The following VIT variants were observed in gnomAD, a reference collection of about 807,000 sequenced individuals.
VIT encodes the protein vitrin.
VIT carries 99 observed loss-of-function variants against 78.0 expected under a neutral mutation model. The observed-to-expected ratio is 1.27, with a 90% CI of 1.08 to 1.50. VIT has a LOEUF of 1.50. Ranked by LOEUF, VIT falls within the 40% of genes most tolerant of loss-of-function variation. The pLI is 0.00. For missense variants in VIT, 1,126 were observed against 875.3 expected (o/e 1.29, Z -3.61); for synonymous variants, 374 against 334.3 (o/e 1.12, Z -1.29).
intron 4 of VIT, among the ~76,000 whole-genome samples, 156 bp downstream of exon 4, chr2:36,743,412 A>T (rs1667956418): frequency 6.6e-6 from 1 of 152,178 alleles, no homozygotes; most frequent in African/African-American, 2.4e-5. Context: ...CTTTTACTGG[A>T]TATAGAAATC....
chr2:36,705,235 G>C (rs1465754172), intron 1 of VIT, among the ~76,000 whole-genome samples: 4 of 152,138 alleles, frequency 2.6e-5, no homozygotes, highest in African/African-American at 7.2e-5. Flanking sequence ...CTTTCCTTTA[G>C]ATTTACTGAT....
chr2:36,722,645 A>G (rs1184207592), intron 2 of VIT, among the ~76,000 whole-genome samples: 2 of 152,250 alleles, frequency 1.3e-5, no homozygotes, highest in Non-Finnish European at 2.9e-5. Context: ...AGGTTCTCCA[A>G]AAAGATCTAA....
rs149477299 is a variant in VIT, at chr2:36,714,602, T to A, written c.-18-1751T>A. Among the ~76,000 whole-genome samples the A allele has an allele frequency of 2.3e-3, 354 of 152,274 alleles. 1 individual carries two copies. Among genetic ancestry groups the A allele is most frequent in the South Asian group, 3.5e-3 (17 of 4,822 alleles). ...GAGGAGTGTTTTACTACCATTGACA[T>A]TGTTTAAAATTGCTAGCTCATAAGG... On this transcript the variant is annotated intron_variant, in intron 1 of 15. Coordinates refer to ENST00000379242, the MANE Select transcript of VIT (RefSeq NM_053276.4).
intron 4 of VIT, among the ~76,000 whole-genome samples, chr2:36,747,309 A>T (rs1668195321): frequency 1.3e-5 from 2 of 152,196 alleles, no homozygotes; most frequent in Admixed American, 6.5e-5. Context: ...GATGTCTATT[A>T]GAGCCAACTG....
At chr2:36,735,402 T>C (rs1280403424) in intron 3 of VIT, among the ~76,000 whole-genome samples, 1 of 152,208 alleles carries the variant, frequency 6.6e-6, no homozygotes, top group African/African-American at 2.4e-5. Flanking sequence ...TAAGTCTGAC[T>C]CCAAACTGCC....
In VIT at chr2:36,814,328, T is replaced by C. The variant is rs1458193883; in HGVS notation, c.2049T>C (p.Ile683=). The C allele has an allele frequency of 6.2e-7, 1 of 1,614,160 alleles. No homozygotes were observed. Among genetic ancestry groups the C allele is most frequent in the Non-Finnish European group, 8.5e-7 (1 of 1,180,028 alleles). Residue 683 remains isoleucine (I), a synonymous_variant, in exon 16 of 16, where the codon ATT becomes ATC. Coordinates refer to ENST00000379242, the MANE Select transcript of VIT (RefSeq NM_053276.4). ...HQYVPRIIQN[I]CTEFNSQPRN The stretch of plus-strand genomic sequence containing the variant: ...ATGTCCCCAGGATCATCCAGAACAT[T>C]TGTACAGAGTTCAACTCACAGCCTC...
intron 4 of VIT, among the ~76,000 whole-genome samples, chr2:36,753,961 C>G (rs970040382): frequency 5.3e-5 from 8 of 152,184 alleles, no homozygotes; most frequent in African/African-American, 1.9e-4. Context: ...CAACCTCACA[C>G]AGCCTGTTTC....
At chr2:36,771,457 C>T (rs1669750397) in intron 7 of VIT, among the ~76,000 whole-genome samples, 1 of 147,146 alleles carries the variant, frequency 6.8e-6, no homozygotes, top group Admixed American at 6.9e-5. Context: ...ACCCGGGCAG[C>T]AGGAGTTGCA....
At chr2:36,776,788 C>T (rs1306440451) in intron 9 of VIT, among the ~76,000 whole-genome samples, 1 of 150,002 alleles carries the variant, frequency 6.7e-6, no homozygotes, top group East Asian at 2.0e-4. Flanking sequence ...GAGTGAGACT[C>T]CATCTCAAAA....
intron 13 of VIT, among the ~76,000 whole-genome samples, chr2:36,804,603 A>G (rs4670619): frequency 0.76 from 115,861 of 152,128 alleles, 44,362 homozygotes; most frequent in East Asian, 0.99. Flanking sequence ...AGGCCGAGGC[A>G]GGCAGATCAC....
At chr2:36,725,143 T>G (rs1666752004) in intron 2 of VIT, among the ~76,000 whole-genome samples, 1 of 152,162 alleles carries the variant, frequency 6.6e-6, no homozygotes, top group African/African-American at 2.4e-5. Context: ...CTCAGTTCTC[T>G]TTCATGTTTC....
At chr2:36,710,886 C>T (rs944004147) in intron 1 of VIT, among the ~76,000 whole-genome samples, 2 of 152,078 alleles carry the variant, frequency 1.3e-5, no homozygotes, top group Non-Finnish European at 2.9e-5. Context: ...AGTCATTGTA[C>T]GGACATATAC....
At chr2:36,797,623 G>A (rs967209669) in intron 12 of VIT, among the ~76,000 whole-genome samples, 2 of 152,152 alleles carry the variant, frequency 1.3e-5, no homozygotes, top group East Asian at 1.9e-4. Flanking sequence ...GAAGCTGTAT[G>A]GAAGCCATTT....
intron 12 of VIT, among the ~76,000 whole-genome samples, chr2:36,794,168 A>G (rs540998515): frequency 6.6e-6 from 1 of 152,268 alleles, no homozygotes; most frequent in Non-Finnish European, 1.5e-5. Context: ...CTGTTACACA[A>G]ATTCCTTCTT....
intron 2 of VIT, among the ~76,000 whole-genome samples, chr2:36,726,054 G>C (rs1292906599): frequency 6.8e-6 from 1 of 147,904 alleles, no homozygotes; most frequent in African/African-American, 2.5e-5. Flanking sequence ...GGGTGACAGA[G>C]CGAGACTCTG....
chr2:36,788,770 T>C (rs181899242), intron 12 of VIT, among the ~76,000 whole-genome samples: 12 of 152,214 alleles, frequency 7.9e-5, no homozygotes, highest in Non-Finnish European at 1.3e-4. Context: ...TGATGTGTTA[T>C]CTTGCATTAA....
intron 4 of VIT, among the ~76,000 whole-genome samples, chr2:36,745,350 A>C (rs192487844): frequency 1.3e-5 from 2 of 152,142 alleles, no homozygotes; most frequent in Admixed American, 1.3e-4. Flanking sequence ...TCTGTGAAAA[A>C]TTTCATTGGC....
intron 8 of VIT, among the ~76,000 whole-genome samples, chr2:36,774,066 G>A (rs1385497602): frequency 2.6e-5 from 4 of 152,156 alleles, no homozygotes; most frequent in African/African-American, 4.8e-5. Flanking sequence ...CCCCTGAAGC[G>A]AGTCTGTAGA....
chr2:36,715,871 TGTAA>T (rs987472182), intron 1 of VIT, among the ~76,000 whole-genome samples: 1 of 152,236 alleles, frequency 6.6e-6, no homozygotes, highest in African/African-American at 2.4e-5. Context: ...TATATTAAAC[TGTAA>T]GTCTTTCAAG....
Sources: gnomAD v4.1 joint callset for allele counts (sites outside exome capture counted in the v4.1 genomes callset) on GRCh38, gnomAD v4.1.1 for gene constraint, MANE v1.5 for transcripts, NCBI Gene and HGNC (gene_info 2026-07-23, HGNC 2026-07-21) for gene names.